PDE1A: variants seen among roughly 807,000 people sequenced by gnomAD.
PDE1A encodes dual specificity calcium/calmodulin-dependent 3',5'-cyclic nucleotide phosphodiesterase 1A.
Under a neutral mutation model 61.7 loss-of-function variants are expected in PDE1A, and 35 were observed. The observed-to-expected ratio is 0.57, with a 90% CI of 0.43 to 0.75. PDE1A has a LOEUF of 0.75. Ranked by LOEUF, PDE1A falls within the 30% of genes least tolerant of loss-of-function variation. The pLI, the probability that PDE1A is intolerant of heterozygous loss-of-function variation, is 0.00. For synonymous variants in PDE1A, 232 were observed against 213.2 expected, an observed-to-expected ratio of 1.09 and a Z score of -0.77; for missense variants, 597 against 630.6, an observed-to-expected ratio of 0.95 and a Z score of 0.57.
At chr2:182,580,703 C>T in the PDE1A span, among the ~76,000 whole-genome samples, 8 of 152,190 alleles carry the variant, frequency 5.3e-5, no homozygotes, top group East Asian at 1.9e-4. Flanking sequence ...CCAGGAATAA[C>T]GTAGGTTTTT....
chr2:182,257,363 A>C (rs765578021), intron 2 of PDE1A, among the ~76,000 whole-genome samples: 6 of 152,240 alleles, frequency 3.9e-5, no homozygotes, highest in Non-Finnish European at 8.8e-5. Context: ...AAAGTCAAAA[A>C]ATTGGTTTAG....
At chr2:182,435,050 TTTGA>T (rs1484900947) in intron 2 of PDE1A, among the ~76,000 whole-genome samples, 1 of 151,920 alleles carries the variant, frequency 6.6e-6, no homozygotes, top group Non-Finnish European at 1.5e-5. Flanking sequence ...TAGGTTAAAG[TTTGA>T]TTGGCTCCAA....
intron 1 of PDE1A, among the ~76,000 whole-genome samples, chr2:182,344,744 TCTCTCTCA>T: frequency 6.2e-5 from 6 of 96,164 alleles, no homozygotes; most frequent in Admixed American, 4.7e-4. Context: ...TCTGTCTCTC[TCTCTCTCA>T]CACACACACA....
chr2:182,227,489 A>G (rs1023873036), intron 6 of PDE1A, among the ~76,000 whole-genome samples: 2 of 152,080 alleles, frequency 1.3e-5, no homozygotes, highest in Non-Finnish European at 2.9e-5. Flanking sequence ...ATTTTTCTCT[A>G]TTCCTTTGAA....
chr2:182,514,051 C>A (rs1689985392), intron 2 of PDE1A, among the ~76,000 whole-genome samples: 2 of 152,020 alleles, frequency 1.3e-5, no homozygotes, highest in Non-Finnish European at 2.9e-5. Flanking sequence ...AAGCTGAGAG[C>A]CAAATCAGGG....
intron 1 of PDE1A, among the ~76,000 whole-genome samples, chr2:182,336,328 T>C (rs186610564): frequency 4.6e-5 from 7 of 152,320 alleles, no homozygotes; most frequent in African/African-American, 7.2e-5. Context: ...CATATGTCTA[T>C]TGTGGCCCTA....
the PDE1A span, among the ~76,000 whole-genome samples, chr2:182,605,677 A>G: frequency 2.0e-5 from 3 of 152,234 alleles, no homozygotes; most frequent in African/African-American, 7.2e-5. Context: ...CCATTGATCC[A>G]GAGTAAAGGG....
At chr2:182,165,404 G>A (rs571432601), downstream of PDE1A, among the ~76,000 whole-genome samples, 2 of 152,254 alleles carry the variant, frequency 1.3e-5, no homozygotes, top group East Asian at 3.9e-4. Flanking sequence ...GAGTCAACAG[G>A]CTAAAAAGGG....
chr2:182,626,726 TATATATATATAC>T, the PDE1A span, among the ~76,000 whole-genome samples: 7 of 12,768 alleles, frequency 5.5e-4, 1 homozygote, highest in South Asian at 6.7e-3. Flanking sequence ...TTTATATATA[TATATATATATAC>T]ATATATATAC....
intron 2 of PDE1A, among the ~76,000 whole-genome samples, chr2:182,461,081 T>C (rs1686255463): frequency 6.6e-6 from 1 of 152,180 alleles, no homozygotes; most frequent in African/African-American, 2.4e-5. Flanking sequence ...TGACCTCATA[T>C]GCAGCATTTC....
upstream of PDE1A, among the ~76,000 whole-genome samples, chr2:182,428,462 A>G (rs567736747): frequency 5.3e-5 from 8 of 152,140 alleles, no homozygotes; most frequent in Non-Finnish European, 2.9e-5. Context: ...TATGTATAAC[A>G]TATTTATATA....
At chr2:182,685,493 C>T in the PDE1A span, among the ~76,000 whole-genome samples, 15 of 152,306 alleles carry the variant, frequency 9.8e-5, no homozygotes, top group African/African-American at 3.4e-4. Context: ...TAAAATTTGG[C>T]ATGGCATTTT....
At chr2:182,241,758 T>C in intron 2 of PDE1A, 1 of 1,266,054 alleles carries the variant, frequency 7.9e-7, no homozygotes, top group Middle Eastern at 2.1e-4. Flanking sequence ...CATATAACGA[T>C]AAAAAATATT....
At chr2:182,468,448 A>C (rs1260685521) in intron 2 of PDE1A, among the ~76,000 whole-genome samples, 1 of 152,014 alleles carries the variant, frequency 6.6e-6, no homozygotes, top group Non-Finnish European at 1.5e-5. Flanking sequence ...ACAAGATTGA[A>C]GTAATTTGGC....
chr2:182,689,212 C>T, the PDE1A span, among the ~76,000 whole-genome samples: 1 of 152,320 alleles, frequency 6.6e-6, no homozygotes, highest in South Asian at 2.1e-4. Flanking sequence ...AAACCCAAAT[C>T]AACAGAATAT....
At chr2:182,368,980 C>T (rs1420456539) in intron 1 of PDE1A, among the ~76,000 whole-genome samples, 1 of 152,120 alleles carries the variant, frequency 6.6e-6, no homozygotes, top group Admixed American at 6.5e-5. Flanking sequence ...ATTTTGGTTA[C>T]TCAACCGGCC....
intron 1 of PDE1A, among the ~76,000 whole-genome samples, chr2:182,384,855 T>C (rs1038680313): frequency 6.6e-6 from 1 of 152,084 alleles, no homozygotes; most frequent in African/African-American, 2.4e-5. Context: ...CAAATAAGAC[T>C]ACCCCAGTAC....
chr2:182,587,814 T>C, the PDE1A span, among the ~76,000 whole-genome samples: 3 of 152,170 alleles, frequency 2.0e-5, no homozygotes, highest in East Asian at 5.8e-4. Flanking sequence ...ACATAAGCAA[T>C]GGATTTAGTC....
chr2:182,203,336 A>AAACAAAACAG (rs1279640357), intron 8 of PDE1A, among the ~76,000 whole-genome samples: 1 of 152,038 alleles, frequency 6.6e-6, no homozygotes, highest in African/African-American at 2.4e-5. Context: ...AAACAAAACA[A>AAACAAAACAG]AACTACATAT....
Sources: allele counts gnomAD v4.1 joint callset (sites outside exome capture counted in the v4.1 genomes callset), GRCh38; gene constraint gnomAD v4.1.1; transcripts MANE v1.5; gene names NCBI Gene and HGNC (gene_info 2026-07-23, HGNC 2026-07-21).